The following TAF2 variants were observed in gnomAD, a reference collection of about 807,000 sequenced individuals.
TAF2 encodes the protein TATA-box binding protein associated factor 2, also known as transcription initiation factor TFIID subunit 2.
Under a neutral mutation model 138.5 loss-of-function variants are expected in TAF2, and 61 were observed. That is an observed-to-expected ratio of 0.44 (90% confidence interval 0.36 to 0.54). The LOEUF is 0.54. TAF2 is among the 20% of genes least tolerant of loss of function. The probability of loss-of-function intolerance (pLI) is 0.00; values close to 1 mark genes in which losing one functional copy is unlikely to be tolerated. For missense variants in TAF2, 1,090 were observed against 1,427.9 expected (o/e 0.76, Z 3.81); for synonymous variants, 475 against 469.9 (o/e 1.01, Z -0.14).
chr8:119,738,107 T>A (rs1010749828), intron 25 of TAF2, among the ~76,000 whole-genome samples: 1 of 151,726 alleles, frequency 6.6e-6, no homozygotes, highest in Non-Finnish European at 1.5e-5. Context: ...GTTGTATATA[T>A]ATAGTATGTT....
At chr8:119,739,925 ATC>A (rs1362567441) in intron 25 of TAF2, among the ~76,000 whole-genome samples, 2 of 152,032 alleles carry the variant, frequency 1.3e-5, no homozygotes, top group East Asian at 3.9e-4. Flanking sequence ...ATTTTTAGTT[ATC>A]TACTTCAAAA....
chr8:119,751,932 G>A (rs771505653), intron 22 of TAF2, among the ~76,000 whole-genome samples: 42 of 152,118 alleles, frequency 2.8e-4, no homozygotes, highest in Middle Eastern at 3.2e-3. Context: ...CTGTGAATAT[G>A]GGCTATATAC....
intron 20 of TAF2, 63 bp from the exon 21 acceptor site, chr8:119,758,205 G>A (rs1337813185): frequency 2.2e-6 from 3 of 1,358,146 alleles, no homozygotes; most frequent in East Asian, 2.4e-5. Context: ...AATAATGAGT[G>A]ACAAGCAGGG....
intron 16 of TAF2, among the ~76,000 whole-genome samples, chr8:119,781,846 C>G (rs959333215): frequency 2.0e-5 from 3 of 152,084 alleles, no homozygotes; most frequent in African/African-American, 7.2e-5. Context: ...GACAACCACA[C>G]CTGGCTAATT....
chr8:119,812,718 G>GGT (rs201947539), intron 3 of TAF2, among the ~76,000 whole-genome samples: 14,826 of 143,770 alleles, frequency 0.1, 854 homozygotes, highest in South Asian at 0.22. Flanking sequence ...AGTATTCCAT[G>GGT]GTGTGTGTGT....
intron 23 of TAF2, chr8:119,744,691 A>G (rs1819834854): frequency 2.3e-6 from 1 of 426,414 alleles, no homozygotes; most frequent in Admixed American, 3.5e-5. Flanking sequence ...TCCTCCCCCA[A>G]ACAGAGAAGA....
chr8:119,744,604 A>C, intron 23 of TAF2: 1 of 576,888 alleles, frequency 1.7e-6, no homozygotes, highest in Non-Finnish European at 3.1e-6. Flanking sequence ...AAATTACTGG[A>C]AATGTAATAG....
At chr8:119,800,501 A>G (rs973834051) in intron 6 of TAF2, among the ~76,000 whole-genome samples, 1 of 152,136 alleles carries the variant, frequency 6.6e-6, no homozygotes, top group Non-Finnish European at 1.5e-5. Context: ...CCATTGGTCT[A>G]TATCTCTGTT....
In TAF2 at chr8:119,781,119, A is replaced by G. The variant is rs1822620514; in HGVS notation, c.2187T>C (p.Cys729=). The change falls in exon 17 of 26, where the codon TGT becomes TGC. Residue 729 remains cysteine (C), a synonymous_variant. Transcript: ENST00000378164. ...MKSLFTRMFC[C]KSCPNIVKTN... ...TTTTCACAATGTTTGGACAACTTTT[A>G]CAACAAAACATCCTAGTGAAGAGTG... The G allele has an allele frequency of 6.2e-7, 1 of 1,613,970 alleles. No individual in the cohort carries two copies. Among genetic ancestry groups the G allele is most frequent in the Admixed American group, 1.7e-5 (1 of 60,000 alleles).
At chr8:119,749,510 G>C (rs959981885) in intron 22 of TAF2, among the ~76,000 whole-genome samples, 2 of 152,156 alleles carry the variant, frequency 1.3e-5, no homozygotes, top group African/African-American at 4.8e-5. Context: ...AAAATCTTAA[G>C]ATGGTTGTCA....
chr8:119,797,519 A>T, intron 7 of TAF2, 143 bp downstream of exon 7: 2 of 840,822 alleles, frequency 2.4e-6, no homozygotes, highest in Admixed American at 3.0e-5. Flanking sequence ...AAAAAATTTT[A>T]AAACCAAATT....
intron 25 of TAF2, among the ~76,000 whole-genome samples, chr8:119,734,554 T>C (rs188505344): frequency 2.6e-5 from 4 of 152,314 alleles, no homozygotes; most frequent in African/African-American, 7.2e-5. Context: ...GGCTAAACCT[T>C]TCATAACACT....
At chr8:119,756,961 T>C (rs541611811) in intron 21 of TAF2, among the ~76,000 whole-genome samples, 2 of 152,314 alleles carry the variant, frequency 1.3e-5, no homozygotes, top group African/African-American at 4.8e-5. Context: ...TAAGAGTAAC[T>C]GCAATGCTTG....
chr8:119,735,288 G>A (rs1229245931), intron 25 of TAF2, among the ~76,000 whole-genome samples: 2 of 151,914 alleles, frequency 1.3e-5, no homozygotes, highest in Middle Eastern at 3.4e-3. Flanking sequence ...CCCCTACCCC[G>A]CCCCCTCTAA....
chr8:119,731,720 C>T lies in TAF2; in HGVS notation c.*204G>A. On this transcript the variant is annotated 3_prime_UTR_variant, in exon 26 of 26. Coordinates refer to ENST00000378164, the MANE Select transcript of TAF2 (RefSeq NM_003184.4). ...GGAAACAGCGGATGAAATAGTTTAT[C>T]CAGAACTACAAAACACATTTTCCTA... 1 of 604,158 alleles carries T rather than the reference C, an allele frequency of 1.7e-6. No homozygotes were observed. Among genetic ancestry groups the T allele is most frequent in the Non-Finnish European group, 2.9e-6 (1 of 343,488 alleles). The allele number at this position is 604,158 out of a possible 1,614,324, so 37.4% of individuals were successfully genotyped here. A position where few individuals can be genotyped will look rare whatever the true frequency, so the allele number is the denominator to read the frequency against.
At chr8:119,816,515 T>A (rs1044626285) in intron 3 of TAF2, among the ~76,000 whole-genome samples, 1 of 152,222 alleles carries the variant, frequency 6.6e-6, no homozygotes, top group Non-Finnish European at 1.5e-5. Flanking sequence ...AATTTGATGT[T>A]TCACTTTTAA....
chr8:119,830,698 C>T (rs954576432), intron 2 of TAF2, among the ~76,000 whole-genome samples: 1 of 152,178 alleles, frequency 6.6e-6, no homozygotes, highest in African/African-American at 2.4e-5. Context: ...TATATACATA[C>T]ATGGGTAACA....
At chr8:119,822,397 T>A (rs778882247) in intron 2 of TAF2, among the ~76,000 whole-genome samples, 56 of 151,936 alleles carry the variant, frequency 3.7e-4, no homozygotes, top group Non-Finnish European at 6.8e-4. Context: ...TAATTAAAAA[T>A]TTTTTTCTCT....
rs543179273 is a variant in TAF2, at chr8:119,803,713, A to T, written c.560+165T>A. Among the ~76,000 whole-genome samples, 16 of 151,672 alleles carry T rather than the reference A, an allele frequency of 1.1e-4. No individual in the cohort carries two copies. In the East Asian group the frequency reaches 1.5e-3, roughly 15 times the overall value. On this transcript the variant is annotated intron_variant, in intron 5 of 25. Coordinates refer to ENST00000378164, the MANE Select transcript of TAF2 (RefSeq NM_003184.4). ...TCTGAAAAAAAAAAAAGAAAAAAAAATTTTTTTTTAAGAGGAATGACTAAC... is the reference window on the plus strand; with the variant it reads ...TCTGAAAAAAAAAAAAGAAAAAAAATTTTTTTTTTAAGAGGAATGACTAAC...
Sources: gnomAD v4.1 joint callset for allele counts (sites outside exome capture counted in the v4.1 genomes callset) on GRCh38, gnomAD v4.1.1 for gene constraint, MANE v1.5 for transcripts, NCBI Gene and HGNC (gene_info 2026-07-23, HGNC 2026-07-21) for gene names.